COL5A2: variants seen among roughly 807,000 people sequenced by gnomAD.
COL5A2 encodes collagen alpha-2(V) chain.
In COL5A2, 23 loss-of-function variants were observed where a neutral mutation model predicts 208.2. The observed-to-expected ratio is 0.11, with a 90% CI of 0.08 to 0.16. The LOEUF (loss-of-function observed/expected upper bound fraction) is 0.16. Ranked by LOEUF, COL5A2 falls within the 10% of genes least tolerant of loss-of-function variation. COL5A2 has a pLI of 1.00. For synonymous variants in COL5A2, 625 were observed against 628.5 expected (o/e 0.99, Z 0.08); for missense variants, 1,590 against 1,956.4 (o/e 0.81, Z 3.53).
At chr2:189,176,028 T>G (rs999703066) in intron 1 of COL5A2, among the ~76,000 whole-genome samples, 2 of 152,192 alleles carry the variant, frequency 1.3e-5, no homozygotes, top group Admixed American at 1.3e-4. Flanking sequence ...ATTCTGTACC[T>G]CCTTTAAAAT....
intron 1 of COL5A2, among the ~76,000 whole-genome samples, chr2:189,170,163 G>C (rs754496257): frequency 3.9e-5 from 6 of 152,122 alleles, no homozygotes; most frequent in Non-Finnish European, 5.9e-5. Flanking sequence ...CAATTTGATA[G>C]ATGAAGAAAC....
chr2:189,081,754 C>T (rs1013941815), intron 12 of COL5A2, among the ~76,000 whole-genome samples: 2 of 152,084 alleles, frequency 1.3e-5, no homozygotes, highest in Non-Finnish European at 2.9e-5. Context: ...ATGTAGCTTT[C>T]ACCTAAACAC....
chr2:189,053,356 A>AT (rs1559080948), intron 38 of COL5A2, 68 bp downstream of exon 38: 1 of 1,334,812 alleles, frequency 7.5e-7, no homozygotes, highest in African/African-American at 1.4e-5. Context: ...ACATATGACA[A>AT]TGATCATTAA....
At chr2:189,210,384 T>C (rs886667573) in intron 1 of COL5A2, among the ~76,000 whole-genome samples, 34 of 151,498 alleles carry the variant, frequency 2.2e-4, no homozygotes, top group African/African-American at 8.0e-4. Context: ...ATGAGTCATA[T>C]TTTCGTCTGT....
intron 1 of COL5A2, among the ~76,000 whole-genome samples, chr2:189,191,163 CAAACAA>C (rs1688920961): frequency 4.1e-5 from 3 of 72,312 alleles, no homozygotes; most frequent in Admixed American, 1.5e-4. Context: ...AAAAAACAAA[CAAACAA>C]CAAAAAACAA....
the COL5A2 span, among the ~76,000 whole-genome samples, chr2:189,431,983 A>T: frequency 6.6e-6 from 1 of 152,212 alleles, no homozygotes; most frequent in Non-Finnish European, 1.5e-5. Flanking sequence ...AGCCCATCAG[A>T]CTAATAGCAG....
chr2:189,035,305 T>G, intron 52 of COL5A2, 150 bp from the exon 53 acceptor site: 1 of 1,034,814 alleles, frequency 9.7e-7, no homozygotes, highest in East Asian at 2.6e-5. Flanking sequence ...CTATTCTAGC[T>G]GTACATCTAA....
chr2:189,255,901 T>C, the COL5A2 span, among the ~76,000 whole-genome samples: 2 of 152,116 alleles, frequency 1.3e-5, no homozygotes, highest in Admixed American at 6.6e-5. Flanking sequence ...AAGATTATGA[T>C]AGAAAAGAGA....
intron 42 of COL5A2, 121 bp downstream of exon 42, chr2:189,051,199 T>C: frequency 7.9e-7 from 1 of 1,271,012 alleles, no homozygotes; most frequent in Non-Finnish European, 1.1e-6. Flanking sequence ...TAATGCACTT[T>C]AAAAATTTTA....
chr2:189,435,023 A>G, the COL5A2 span, among the ~76,000 whole-genome samples: 1 of 152,170 alleles, frequency 6.6e-6, no homozygotes, highest in African/African-American at 2.4e-5. Flanking sequence ...ATAACACCAC[A>G]TGTCTACAAC....
At chr2:189,116,912 A>G (rs898004761) in intron 1 of COL5A2, among the ~76,000 whole-genome samples, 4 of 152,206 alleles carry the variant, frequency 2.6e-5, no homozygotes, top group African/African-American at 9.7e-5. Context: ...ACTCATAGAA[A>G]GCTTCATTTC....
the COL5A2 span, among the ~76,000 whole-genome samples, chr2:189,415,488 T>C: frequency 6.6e-6 from 1 of 152,246 alleles, no homozygotes; most frequent in South Asian, 2.1e-4. Flanking sequence ...ATCAATCTAG[T>C]TAATTGTGTT....
the COL5A2 span, among the ~76,000 whole-genome samples, chr2:189,352,646 C>A: frequency 2.0e-5 from 3 of 151,718 alleles, no homozygotes; most frequent in African/African-American, 7.3e-5. Flanking sequence ...GACGGGGTTG[C>A]TTTTTTCTTG....
intron 1 of COL5A2, among the ~76,000 whole-genome samples, chr2:189,129,770 C>T (rs1388371302): frequency 6.6e-6 from 1 of 151,992 alleles, no homozygotes; most frequent in Non-Finnish European, 1.5e-5. Context: ...ACCAAATACA[C>T]ATATTATGCA....
intron 1 of COL5A2, among the ~76,000 whole-genome samples, chr2:189,113,750 A>G (rs1687330807): frequency 6.8e-6 from 1 of 146,546 alleles, no homozygotes; most frequent in East Asian, 2.0e-4. Context: ...GATATATATT[A>G]TATATAAGGA....
At position 189,085,757 on chromosome 2, in the gene COL5A2, T is replaced by C. The variant is rs1686644269; in HGVS notation, c.706A>G (p.Thr236Ala). Residue 236 changes from threonine to alanine, a missense_variant, in exon 10 of 54, where the codon ACA becomes GCA. Coordinates refer to ENST00000374866, the MANE Select transcript of COL5A2 (RefSeq NM_000393.5). ...TCACCAGGTTCACCAGGAGGTCCTGTAGGTCCTGCACCACCCTACAGTTGA... is the reference window on the plus strand; with the variant it reads ...TCACCAGGTTCACCAGGAGGTCCTGCAGGTCCTGCACCACCCTACAGTTGA... ...LQGQQGGAGPTGPPGEPGDPG... is the reference protein window; with the variant it reads ...LQGQQGGAGPAGPPGEPGDPG... The C allele has an allele frequency of 2.5e-6, 4 of 1,613,236 alleles. No homozygotes were observed. The highest frequency in any genetic ancestry group is 2.2e-5 in the East Asian group (1 of 44,862).
the COL5A2 span, among the ~76,000 whole-genome samples, chr2:189,341,341 T>C: frequency 6.6e-6 from 1 of 152,148 alleles, no homozygotes; most frequent in Non-Finnish European, 1.5e-5. Context: ...TTAAAGTGGT[T>C]AGGTTACTAC....
In COL5A2 at chr2:189,078,528, T is replaced by C; in HGVS notation, c.1047A>G (p.Pro349=). The C allele has an allele frequency of 6.2e-7, 1 of 1,612,216 alleles. No individual in the cohort carries two copies. Residue 349 remains proline, a synonymous_variant, in exon 16 of 54, where the codon CCA becomes CCG. Transcript: ENST00000374866. ...GMPGERGRLG[P]QGAPGQRGAH... ...CAGATATACTTACAGGAGCACCCTG[T>C]GGCCCAAGTCTCCCTCTCTCTCCTG...
the COL5A2 span, among the ~76,000 whole-genome samples, chr2:189,318,804 G>A: frequency 7.3e-3 from 1,110 of 152,262 alleles, 16 homozygotes; most frequent in African/African-American, 0.025. Flanking sequence ...GGGGCTTGGG[G>A]GTGTCAGTTG....
Sources: allele counts gnomAD v4.1 joint callset (sites outside exome capture counted in the v4.1 genomes callset), GRCh38; gene constraint gnomAD v4.1.1; transcripts MANE v1.5; gene names NCBI Gene and HGNC (gene_info 2026-07-23, HGNC 2026-07-21).